SFR1: variants seen among roughly 807,000 people sequenced by gnomAD.
SFR1 encodes swi5-dependent recombination DNA repair protein 1 homolog.
A neutral mutation model predicts 26.2 loss-of-function variants in SFR1; 24 were observed. The ratio of observed to expected loss-of-function variants is 0.92; its 90% CI spans 0.66 to 1.29. SFR1 has a LOEUF of 1.29. Among genes scored for constraint, SFR1 ranks in the 50% most tolerant of loss-of-function variants. The pLI is 0.00. For synonymous variants in SFR1, 77 were observed against 96.6 expected, an observed-to-expected ratio of 0.80 and a Z score of 1.19; for missense variants, 276 against 270.2, an observed-to-expected ratio of 1.02 and a Z score of -0.15.
chr10:104,123,686 C>T (rs752480641), intron 2 of SFR1, 28 bp from the exon 3 acceptor site: 1 of 1,503,260 alleles, frequency 6.7e-7, no homozygotes, highest in Non-Finnish European at 8.9e-7. Context: ...TCTTGATTCA[C>T]ATTTTTAATG....
chr10:104,123,072 A>G lies in SFR1; in HGVS notation c.121A>G (p.Ser41Gly). Residue 41 changes from serine to glycine, a missense_variant, in exon 2 of 4, where the codon AGT becomes GGT. Transcript: ENST00000369727. ...SANPSSPYTN[S>G]SRKQPMSATL... ...GAATCCATCATCTCCCTATACAAAT[A>G]GTTCCCGAAAACAAGTATGAAAATC... 1 of 1,569,052 alleles carries G rather than the reference A, an allele frequency of 6.4e-7. No individual in the cohort carries two copies. Among genetic ancestry groups the G allele is most frequent in the Non-Finnish European group, 8.6e-7 (1 of 1,160,832 alleles).
intron 1 of SFR1, chr10:104,122,477 G>A (rs1241741844): frequency 5.1e-6 from 5 of 985,302 alleles, no homozygotes; most frequent in Non-Finnish European, 6.0e-6. Flanking sequence ...GGCTACAGAC[G>A]GGCTTAAATG....
At chr10:104,123,657 T>C (rs2086992832) in intron 2 of SFR1, 57 bp from the exon 3 acceptor site, 2 of 1,368,034 alleles carry the variant, frequency 1.5e-6, no homozygotes, top group Admixed American at 2.5e-5. Flanking sequence ...TGGTGATTTA[T>C]TGACATTAAG....
chr10:104,122,236 G>A (rs1358139298), intron 1 of SFR1, 40 bp downstream of exon 1: 2 of 1,519,858 alleles, frequency 1.3e-6, no homozygotes, highest in Non-Finnish European at 1.8e-6. Flanking sequence ...TGACACCTGG[G>A]CTTCCCCGGG....
In SFR1 at chr10:104,125,556, G is replaced by A. The variant is rs369668937; in HGVS notation, c.590G>A (p.Ser197Asn). Residue 197 changes from serine to asparagine, a missense_variant, in exon 4 of 4, where the codon AGC (serine) becomes AAC (asparagine). Transcript: ENST00000369727. The part of the protein sequence containing the change: ...QLQLLIKKWR[S>N]CSQLLLYELQ... ...CAGTTGTTAATAAAGAAGTGGAGAA[G>A]CTGTAGCCAGCTCTTGCTTTATGAG... The A allele has an allele frequency of 1.1e-4, 171 of 1,613,262 alleles. No individual in the cohort carries two copies. The highest frequency in any genetic ancestry group is 1.4e-4 in the Non-Finnish European group (162 of 1,179,714).
chr10:104,125,765 C>G lies in SFR1; in HGVS notation c.*61C>G. On this transcript the variant is annotated 3_prime_UTR_variant, in exon 4 of 4. Coordinates refer to ENST00000369727, the MANE Select transcript of SFR1 (RefSeq NM_001002759.2). ...ACAACTTAATTAAAAGATACTTAGG[C>G]ACTTTTTTTTTTTTTTTGAGACTGA... 8.7e-7 allele frequency: 1 copy of G among 1,151,016 alleles called. No individual in the cohort carries two copies. Among genetic ancestry groups the G allele is most frequent in the Non-Finnish European group, 1.2e-6 (1 of 824,118 alleles). The allele number at this position is 1,151,016 out of a possible 1,614,324, so 71.3% of individuals were successfully genotyped here.
rs775580430 is a variant in SFR1, at chr10:104,125,717, G to A, written c.*13G>A. ...TATAGATGTTTAATTCCTGATTTTT[G>A]CTCCAGAATATCTTTGAGAATGACA... On this transcript the variant is annotated 3_prime_UTR_variant, in exon 4 of 4. Transcript: ENST00000369727. 8 of 1,535,432 alleles carry A rather than the reference G, an allele frequency of 5.2e-6. No individual in the cohort carries two copies. The highest frequency in any genetic ancestry group is 7.1e-6 in the Non-Finnish European group (8 of 1,128,166).
Position 104,122,987 on chromosome 10 carries a change from C to A in SFR1, c.36C>A (p.Phe12Leu). 1.9e-6 allele frequency: 3 copies of A among 1,613,678 alleles called. No homozygotes were observed. The South Asian group carries it at 3.3e-5, about 18-fold the overall frequency. ...AEGEKNQDFT[F>L]KMESPSDSAV... ...TAGAGAAAAACCAAGATTTCACTTT[C>A]AAGATGGAAAGTCCGTCAGACTCAG... Residue 12 changes from phenylalanine (F) to leucine (L), a missense_variant, in exon 2 of 4, where the codon TTC becomes TTA. Transcript: ENST00000369727.
At chr10:104,122,431 C>T (rs557159343) in intron 1 of SFR1, 1 of 985,312 alleles carries the variant, frequency 1.0e-6, no homozygotes, top group Admixed American at 6.1e-5. Context: ...TCAGTCCACT[C>T]TCCTTTTCAG....
chr10:104,122,496 C>T (rs924242993), intron 1 of SFR1: 8 of 985,302 alleles, frequency 8.1e-6, no homozygotes, highest in Non-Finnish European at 8.4e-6. Context: ...TGCGTCTCCG[C>T]TGTGTTTCTT....
upstream of SFR1, chr10:104,121,910 T>C: frequency 2.4e-6 from 1 of 413,924 alleles, no homozygotes; most frequent in Non-Finnish European, 4.4e-6. Flanking sequence ...CTCACGCTGC[T>C]CTCGGGCGCT....
chr10:104,123,751 C>A lies in SFR1; in HGVS notation c.173C>A (p.Thr58Lys). The change falls in exon 3 of 4, where the codon ACA becomes AAA. Residue 58 changes from threonine to lysine, a missense_variant. Physicochemically the swap from Thr to Lys is moderately conservative, Grantham distance 78. Transcript: ENST00000369727. ...ACACTTAGAGAAAGATTAAGGAAAACAAGATTTTCATTTAATTCCTCTTAC... is the reference window on the plus strand; with the variant it reads ...ACACTTAGAGAAAGATTAAGGAAAAAAAGATTTTCATTTAATTCCTCTTAC... ...SATLRERLRKTRFSFNSSYNV... is the reference protein window; with the variant it reads ...SATLRERLRKKRFSFNSSYNV... 1 of 1,604,544 alleles carries A rather than the reference C, an allele frequency of 6.2e-7. No homozygotes were observed. The highest frequency in any genetic ancestry group is 8.5e-7 in the Non-Finnish European group (1 of 1,177,056).
At chr10:104,122,044 G>A (rs1458240373), upstream of SFR1, 1 of 1,054,462 alleles carries the variant, frequency 9.5e-7, no homozygotes, top group Non-Finnish European at 1.4e-6. Flanking sequence ...CCACCGCTCT[G>A]AGTCGCTGAG....
intron 2 of SFR1, 199 bp downstream of exon 2, chr10:104,123,285 A>T (rs1293157896): frequency 2.0e-6 from 1 of 500,510 alleles, no homozygotes; most frequent in Non-Finnish European, 3.5e-6. Flanking sequence ...TTTCCTCTTG[A>T]ATGAATTCAT....
At chr10:104,125,467 C>T in intron 3 of SFR1, 46 bp from the exon 4 acceptor site, 2 of 1,475,934 alleles carry the variant, frequency 1.4e-6, no homozygotes, top group Non-Finnish European at 1.9e-6. Context: ...TTAAGTTGAA[C>T]TAGCATGACT....
At chr10:104,121,929 A>T, upstream of SFR1, 1 of 306,062 alleles carries the variant, frequency 3.3e-6, no homozygotes, top group East Asian at 8.0e-5. Flanking sequence ...CTGGGCGGGG[A>T]GAGCCGCGCG....
rs2087019180 is a variant in SFR1, at chr10:104,125,665, A to G, written c.699A>G (p.Leu233=). ...IDHYGLDDKL[L]HYNRSEEEFI... ...ACTATGGGTTAGATGATAAATTACT[A>G]CACTATAACAGAAGTGAAGAAGAAT... Residue 233 remains leucine (L), a synonymous_variant, in exon 4 of 4, where the codon CTA becomes CTG. Coordinates refer to ENST00000369727, the MANE Select transcript of SFR1 (RefSeq NM_001002759.2). 1.2e-6 allele frequency: 2 copies of G among 1,607,558 alleles called. No homozygotes were observed. Among genetic ancestry groups the G allele is most frequent in the African/African-American group, 2.7e-5 (2 of 74,620 alleles).
At chr10:104,122,153 A>AGCGG (rs749978297), upstream of SFR1, 7 of 1,546,596 alleles carry the variant, frequency 4.5e-6, no homozygotes, top group South Asian at 7.1e-5. Flanking sequence ...TTACGGCCGC[A>AGCGG]GGTGCGCGCG....
intron 1 of SFR1, 141 bp from the exon 2 acceptor site, chr10:104,122,824 G>C: frequency 6.5e-7 from 1 of 1,533,922 alleles, no homozygotes; most frequent in Non-Finnish European, 8.7e-7. Context: ...AAAAGAGCAA[G>C]AATGAATTAC....
Sources: gnomAD v4.1 joint callset for allele counts on GRCh38, gnomAD v4.1.1 for gene constraint, MANE v1.5 for transcripts, NCBI Gene and HGNC (gene_info 2026-07-23, HGNC 2026-07-21) for gene names.